CDIN1: variants seen among roughly 807,000 people sequenced by gnomAD.
The protein encoded by CDIN1 is CDAN1-interacting nuclease 1.
A neutral mutation model predicts 45.3 loss-of-function variants in CDIN1; 33 were observed. The ratio of observed to expected loss-of-function variants is 0.73; its 90% CI spans 0.55 to 0.97. The LOEUF (loss-of-function observed/expected upper bound fraction) is 0.97. Among genes scored for constraint, CDIN1 ranks in the 50% least tolerant of loss-of-function variants. CDIN1 has a pLI of 0.00. For synonymous variants in CDIN1, 118 were observed against 124.4 expected (o/e 0.95, Z 0.34); for missense variants, 303 against 339.4 (o/e 0.89, Z 0.84).
intron 8 of CDIN1, 198 bp from the exon 9 acceptor site, chr15:36,709,025 A>G: frequency 2.5e-6 from 1 of 406,174 alleles, no homozygotes; most frequent in Non-Finnish European, 4.3e-6. Flanking sequence ...AAATAATGAA[A>G]GAAGCATATC....
intron 10 of CDIN1, among the ~76,000 whole-genome samples, chr15:36,749,425 A>C (rs959364190): frequency 3.3e-5 from 5 of 152,158 alleles, no homozygotes; most frequent in African/African-American, 4.8e-5. Flanking sequence ...GGAACTGGAG[A>C]TATGTGGCCC....
chr15:36,671,895 G>A (rs1347538058), intron 5 of CDIN1, among the ~76,000 whole-genome samples: 1 of 151,980 alleles, frequency 6.6e-6, no homozygotes, highest in Non-Finnish European at 1.5e-5. Context: ...ATCACCTTTG[G>A]GTCTAGAAGA....
At chr15:36,676,671 T>C (rs1046039294) in intron 5 of CDIN1, among the ~76,000 whole-genome samples, 2 of 152,186 alleles carry the variant, frequency 1.3e-5, no homozygotes, top group African/African-American at 4.8e-5. Flanking sequence ...AGGTCTTTGC[T>C]GCCATGAACT....
intron 10 of CDIN1, among the ~76,000 whole-genome samples, chr15:36,750,539 A>T (rs1437090307): frequency 6.6e-6 from 1 of 152,160 alleles, no homozygotes; most frequent in African/African-American, 2.4e-5. Context: ...CAAGGTGCTT[A>T]CAGTCTCTGA....
intron 10 of CDIN1, among the ~76,000 whole-genome samples, chr15:36,758,207 C>T (rs1433527873): frequency 6.6e-6 from 1 of 152,036 alleles, no homozygotes; most frequent in Non-Finnish European, 1.5e-5. Context: ...ATACTAATCT[C>T]AGAGCAGGCT....
chr15:36,604,592 C>T (rs923051271), intron 1 of CDIN1, among the ~76,000 whole-genome samples: 6 of 151,858 alleles, frequency 4.0e-5, no homozygotes, highest in African/African-American at 1.5e-4. Context: ...GTCAGCTGAC[C>T]TTTTAAAAGT....
chr15:36,774,250 A>T (rs374730953), intron 10 of CDIN1, among the ~76,000 whole-genome samples: 3 of 152,080 alleles, frequency 2.0e-5, no homozygotes, highest in African/African-American at 7.2e-5. Flanking sequence ...AAGGGTCACT[A>T]GTCCTCCTCC....
chr15:36,687,601 G>C (rs1389563461), intron 5 of CDIN1, among the ~76,000 whole-genome samples: 1 of 151,958 alleles, frequency 6.6e-6, no homozygotes, highest in Non-Finnish European at 1.5e-5. Context: ...GAGAGTGCAG[G>C]CACCCAACAG....
At chr15:36,727,729 G>A (rs542668193) in intron 10 of CDIN1, among the ~76,000 whole-genome samples, 1 of 152,240 alleles carries the variant, frequency 6.6e-6, no homozygotes, top group East Asian at 1.9e-4. Context: ...AAACATTGTT[G>A]TTATTCTATA....
chr15:36,587,810 C>T (rs556215669), intron 1 of CDIN1, among the ~76,000 whole-genome samples: 96 of 152,130 alleles, frequency 6.3e-4, no homozygotes, highest in East Asian at 1.4e-3. Context: ...AGGTGAAGTC[C>T]GACGGCTAGG....
chr15:36,759,140 A>G (rs55710758), intron 10 of CDIN1, among the ~76,000 whole-genome samples: 16,731 of 152,092 alleles, frequency 0.11, 997 homozygotes, highest in Non-Finnish European at 0.14. Flanking sequence ...CCACCAAGAT[A>G]CATCGAGGGG....
At chr15:36,711,785 G>C (rs993660441) in intron 10 of CDIN1, among the ~76,000 whole-genome samples, 9 of 152,226 alleles carry the variant, frequency 5.9e-5, no homozygotes, top group African/African-American at 2.2e-4. Flanking sequence ...TGTTACCAAA[G>C]GTCTGCAGAG....
At chr15:36,646,194 A>T (rs1265013076) in intron 3 of CDIN1, among the ~76,000 whole-genome samples, 1 of 152,192 alleles carries the variant, frequency 6.6e-6, no homozygotes, top group African/African-American at 2.4e-5. Context: ...TAGATGAATG[A>T]TTTTTATGCA....
chr15:36,701,946 CCTCA>C, intron 8 of CDIN1: 2 of 646,088 alleles, frequency 3.1e-6, no homozygotes, highest in South Asian at 3.5e-5. Flanking sequence ...CTGCTTTATT[CCTCA>C]CCTGAAGCAA....
chr15:36,692,323 A>G, intron 7 of CDIN1, 148 bp downstream of exon 7: 2 of 701,812 alleles, frequency 2.8e-6, no homozygotes, highest in Non-Finnish European at 4.6e-6. Flanking sequence ...GAGGGTCACT[A>G]CAGACCATTC....
intron 10 of CDIN1, among the ~76,000 whole-genome samples, chr15:36,711,088 G>A (rs2043040718): frequency 1.3e-5 from 2 of 152,152 alleles, no homozygotes; most frequent in Non-Finnish European, 2.9e-5. Flanking sequence ...AGCGTTTCCT[G>A]TGTTTTATTC....
At chr15:36,620,896 C>G (rs1158777375) in intron 1 of CDIN1, among the ~76,000 whole-genome samples, 2 of 152,012 alleles carry the variant, frequency 1.3e-5, no homozygotes, top group Non-Finnish European at 2.9e-5. Context: ...TTGGAATTCA[C>G]TGAAACAGAA....
At chr15:36,671,599 G>A (rs1361790974) in intron 5 of CDIN1, among the ~76,000 whole-genome samples, 1 of 151,968 alleles carries the variant, frequency 6.6e-6, no homozygotes, top group Non-Finnish European at 1.5e-5. Flanking sequence ...GACAGATGAG[G>A]TCCTCACAGC....
chr15:36,732,298 G>A (rs1181405290), intron 10 of CDIN1, among the ~76,000 whole-genome samples: 2 of 152,154 alleles, frequency 1.3e-5, no homozygotes, highest in South Asian at 2.1e-4. Context: ...TACAGGGAAA[G>A]GGAGGAACTG....
Sources: gnomAD v4.1 joint callset for allele counts (sites outside exome capture counted in the v4.1 genomes callset) on GRCh38, gnomAD v4.1.1 for gene constraint, MANE v1.5 for transcripts, NCBI Gene and HGNC (gene_info 2026-07-23, HGNC 2026-07-21) for gene names.